Variants in C10orf67 observed in about 807,000 individuals in gnomAD.
C10orf67 encodes the protein uncharacterized protein C10orf67, mitochondrial.
Under a neutral mutation model 35.6 loss-of-function variants are expected in C10orf67, and 60 were observed. That is an observed-to-expected ratio of 1.68 (90% confidence interval 1.37 to 2.09). The LOEUF is 2.09. Among genes scored for constraint, C10orf67 ranks in the 30% most tolerant of loss-of-function variants. C10orf67 has a pLI of 0.00. For missense variants in C10orf67, 474 were observed against 330.2 expected, an observed-to-expected ratio of 1.44 and a Z score of -3.38; for synonymous variants, 167 against 115.8, an observed-to-expected ratio of 1.44 and a Z score of -2.84.
chr10:23,301,920 G>A (rs1457503707), intron 5 of C10orf67, among the ~76,000 whole-genome samples: 1 of 152,204 alleles, frequency 6.6e-6, no homozygotes, highest in African/African-American at 2.4e-5. Flanking sequence ...TAGCCTGATC[G>A]GGAGCGGCAA....
Position 23,208,449 on chromosome 10 carries a change from C to T in C10orf67, c.1571-4194G>A, listed in dbSNP as rs571827617. 7.2e-5 allele frequency among the ~76,000 whole-genome samples: 11 copies of T among 152,204 alleles called. No individual in the cohort carries two copies. In the East Asian group the frequency reaches 9.7e-4, roughly 13 times the overall value. On this transcript the variant is annotated intron_variant, in intron 15 of 15. Transcript: ENST00000636213. ...TTCTGAAGAGCAAGGTAGCGATTTC[C>T]GCAGAAATGGTGAAAAATGCAGACA...
At chr10:23,243,422 G>A (rs966202185) in intron 12 of C10orf67, among the ~76,000 whole-genome samples, 1 of 152,104 alleles carries the variant, frequency 6.6e-6, no homozygotes, top group Non-Finnish European at 1.5e-5. Flanking sequence ...GGTGGCTTAT[G>A]CCTGTAATCC....
At chr10:23,212,697 A>G (rs538918280) in intron 15 of C10orf67, among the ~76,000 whole-genome samples, 304 of 151,496 alleles carry the variant, frequency 2.0e-3, no homozygotes, top group Non-Finnish European at 3.6e-3. Flanking sequence ...GGCAGCCCCA[A>G]ACTTATAAGA....
At chr10:23,331,719 G>A (rs541741272) in intron 2 of C10orf67, among the ~76,000 whole-genome samples, 3 of 151,322 alleles carry the variant, frequency 2.0e-5, no homozygotes, top group Non-Finnish European at 4.4e-5. Flanking sequence ...AAAAGGGGAA[G>A]GGAAGGGGAA....
At chr10:23,207,734 C>A (rs937810468) in intron 15 of C10orf67, among the ~76,000 whole-genome samples, 5 of 152,192 alleles carry the variant, frequency 3.3e-5, no homozygotes, top group African/African-American at 1.2e-4. Flanking sequence ...TTGTAAAATT[C>A]CCTCCTGCAT....
intron 8 of C10orf67, 28 bp downstream of exon 8, chr10:23,281,985 T>C: frequency 1.7e-6 from 1 of 572,956 alleles, no homozygotes. Flanking sequence ...AATTCAAATT[T>C]GTTAGGAAAT....
Position 23,227,237 on chromosome 10 carries a change from A to T in C10orf67, c.1435-3419T>A, listed in dbSNP as rs373056183. The stretch of plus-strand genomic sequence containing the variant: ...AGCAGCACATCAAAAAGCTTATCCA[A>T]CATGATCAAGTGGGCTTCATCCCTG... On this transcript the variant is annotated intron_variant, in intron 13 of 15. Coordinates refer to ENST00000636213, the MANE Select transcript of C10orf67 (RefSeq NM_001371909.1). Among the ~76,000 whole-genome samples, 33 of 152,084 alleles carry T rather than the reference A, an allele frequency of 2.2e-4. 1 individual carries two copies. Among genetic ancestry groups the T allele is most frequent in the Admixed American group, 9.2e-4 (14 of 15,238 alleles).
chr10:23,299,912 A>G (rs1162130833), intron 5 of C10orf67, among the ~76,000 whole-genome samples: 1 of 151,264 alleles, frequency 6.6e-6, no homozygotes, highest in African/African-American at 2.4e-5. Context: ...CAGGATGTGG[A>G]GCTTGCAGTG....
intron 13 of C10orf67, among the ~76,000 whole-genome samples, chr10:23,231,759 G>T (rs930951417): frequency 4.6e-5 from 7 of 152,164 alleles, no homozygotes; most frequent in African/African-American, 1.7e-4. Flanking sequence ...CCTAAGTGTT[G>T]ATGAGCAGCA....
intron 10 of C10orf67, among the ~76,000 whole-genome samples, chr10:23,256,727 T>C (rs909999618): frequency 1.3e-4 from 20 of 151,382 alleles, no homozygotes; most frequent in Non-Finnish European, 2.7e-4. Flanking sequence ...ATGAGAAAAA[T>C]TGAGGGCAGA....
intron 12 of C10orf67, among the ~76,000 whole-genome samples, chr10:23,242,059 C>T (rs139688363): frequency 6.6e-6 from 1 of 151,996 alleles, no homozygotes; most frequent in South Asian, 2.1e-4. Context: ...GCAACTTCCA[C>T]CTCCTGGGTT....
intron 13 of C10orf67, among the ~76,000 whole-genome samples, chr10:23,236,533 A>G (rs1842058283): frequency 6.6e-6 from 1 of 152,152 alleles, no homozygotes; most frequent in Admixed American, 6.6e-5. Flanking sequence ...TGCTGGTGTG[A>G]GGGTAAAACG....
chr10:23,264,446 A>G (rs1025287458), intron 10 of C10orf67, among the ~76,000 whole-genome samples: 1 of 152,304 alleles, frequency 6.6e-6, no homozygotes, highest in East Asian at 1.9e-4. Context: ...AGCTGACAAA[A>G]TGTACTGTTT....
intron 13 of C10orf67, among the ~76,000 whole-genome samples, chr10:23,238,750 C>A (rs142191022): frequency 2.0e-5 from 3 of 152,140 alleles, no homozygotes; most frequent in Admixed American, 6.5e-5. Flanking sequence ...TTATAACCTG[C>A]AGGGTGAGAT....
chr10:23,303,108 A>G (rs1188967605), intron 5 of C10orf67, among the ~76,000 whole-genome samples, 196 bp downstream of exon 5: 1 of 152,180 alleles, frequency 6.6e-6, no homozygotes, highest in African/African-American at 2.4e-5. Flanking sequence ...CCTATTCATT[A>G]TATTGCTCCT....
At chr10:23,289,982 C>A in intron 6 of C10orf67, 24 bp from the exon 7 acceptor site, 1 of 715,470 alleles carries the variant, frequency 1.4e-6, no homozygotes, top group East Asian at 2.7e-5. Flanking sequence ...GAGAGAGAGG[C>A]CAACCATGAA....
chr10:23,303,385 T>C lies in C10orf67; in HGVS notation c.621A>G (p.Arg207=). The C allele has an allele frequency of 1.5e-6, 1 of 657,650 alleles. No individual in the cohort carries two copies. The highest frequency in any genetic ancestry group is 1.9e-5 in the South Asian group (1 of 51,814). The allele number at this position is 657,650 out of a possible 1,614,324, so 40.7% of individuals were successfully genotyped here. Residue 207 remains arginine, a synonymous_variant, in exon 5 of 16, where the codon AGA becomes AGG. Coordinates refer to ENST00000636213, the MANE Select transcript of C10orf67 (RefSeq NM_001371909.1). ...TAACTTCTTCTTTCTCTTTCAGTTTTCTTAACAAAATATTTGTTTTGACAG... is the reference window on the plus strand; with the variant it reads ...TAACTTCTTCTTTCTCTTTCAGTTTCCTTAACAAAATATTTGTTTTGACAG... The part of the protein sequence containing the change: ...ASTVKTNILL[R]KLKEKEEVIK...
chr10:23,306,350 C>G lies in C10orf67; in HGVS notation c.547-2891G>C, dbSNP rs142408115. On this transcript the variant is annotated intron_variant, in intron 4 of 15. Coordinates refer to ENST00000636213, the MANE Select transcript of C10orf67 (RefSeq NM_001371909.1). ...ACTAGCCTGGCCAACATGTGAAACC[C>G]TGTCTCTACTAAAAATGCAAAAAAT... is the stretch of plus-strand genomic sequence containing the variant. 5.7e-3 allele frequency among the ~76,000 whole-genome samples: 866 copies of G among 151,938 alleles called. 1 individual carries two copies. The highest frequency in any genetic ancestry group is 0.02 in the African/African-American group (818 of 41,444).
In C10orf67 at chr10:23,267,250, T is replaced by C. The variant is rs577121109; in HGVS notation, c.980A>G (p.Asn327Ser). Residue 327 changes from asparagine to serine, a missense_variant, in exon 9 of 16, where the codon AAT (asparagine) becomes AGT (serine). By Grantham distance (46) the Asn-to-Ser change is conservative (BLOSUM62 1). Transcript: ENST00000636213. The part of the protein sequence containing the change: ...YEKSLVQDVI[N>S]KQKEDKEMRK... ...CATTTCCTTGTCCTCTTTCTGTTTA[T>C]TAATCTGTAAAATTGAAGACCCATA... The C allele has an allele frequency of 5.7e-5, 41 of 714,942 alleles. No individual in the cohort carries two copies. In the African/African-American group the frequency reaches 6.3e-4, roughly 11 times the overall value. The allele number at this position is 714,942 out of a possible 1,614,324, so 44.3% of individuals were successfully genotyped here.
Sources: allele counts gnomAD v4.1 joint callset (sites outside exome capture counted in the v4.1 genomes callset), GRCh38; gene constraint gnomAD v4.1.1; transcripts MANE v1.5; gene names NCBI Gene and HGNC (gene_info 2026-07-23, HGNC 2026-07-21).